MYO3A: variants seen among roughly 807,000 people sequenced by gnomAD.
The protein encoded by MYO3A is myosin-IIIa.
A neutral mutation model predicts 192.7 loss-of-function variants in MYO3A; 180 were observed. The ratio of observed to expected loss-of-function variants is 0.93; its 90% confidence interval spans 0.83 to 1.06. The LOEUF (loss-of-function observed/expected upper bound fraction) is 1.06, where lower values mean the gene tolerates loss of function less well. Ranked by LOEUF, MYO3A falls within the 50% of genes least tolerant of loss-of-function variation. The pLI is 0.00. For synonymous variants in MYO3A, 628 were observed against 645.3 expected (o/e 0.97, Z 0.41); for missense variants, 1,896 against 1,905.0 (o/e 1.00, Z 0.09).
intron 31 of MYO3A, among the ~76,000 whole-genome samples, chr10:26,183,913 G>A (rs190005445): frequency 2.6e-5 from 4 of 152,112 alleles, no homozygotes; most frequent in Admixed American, 1.3e-4. Context: ...AGACGCAAGA[G>A]GTCAAATCCA....
At chr10:25,954,746 A>G in intron 3 of MYO3A, 128 bp from the exon 4 acceptor site, 2 of 958,546 alleles carry the variant, frequency 2.1e-6, no homozygotes, top group Admixed American at 3.8e-5. Context: ...AATACATAAT[A>G]CTAAGCACAG....
At chr10:26,105,854 A>G (rs1345079322) in intron 17 of MYO3A, among the ~76,000 whole-genome samples, 2 of 152,048 alleles carry the variant, frequency 1.3e-5, no homozygotes, top group East Asian at 3.8e-4. Context: ...TTTGAAATTT[A>G]TTTTATGGTA....
At chr10:26,172,263 C>T (rs948853154) in intron 29 of MYO3A, among the ~76,000 whole-genome samples, 5 of 152,222 alleles carry the variant, frequency 3.3e-5, no homozygotes, top group Admixed American at 2.0e-4. Context: ...TTAACCATTC[C>T]CTGTCAGAGC....
chr10:26,147,796 T>C (rs892395989), intron 23 of MYO3A, among the ~76,000 whole-genome samples: 1 of 152,166 alleles, frequency 6.6e-6, no homozygotes, highest in Non-Finnish European at 1.5e-5. Flanking sequence ...GAAAATGTGG[T>C]GGTATCCTAG....
intron 8 of MYO3A, chr10:26,022,544 A>G (rs1842360060): frequency 6.6e-6 from 1 of 152,206 alleles, no homozygotes; most frequent in Non-Finnish European, 1.5e-5. Flanking sequence ...AAATTATAAT[A>G]CCTTGGCTAT....
In MYO3A at chr10:26,049,777, G is replaced by C. The variant is rs530178930; in HGVS notation, c.954-17198G>C. On this transcript the variant is annotated intron_variant, in intron 10 of 34. Transcript: ENST00000642920. ...CACTGCCTTTGCCTTCTGGGTTCAA[G>C]CAATTCTCCTGCCTCAGCCTCCCGA... is the stretch of plus-strand genomic sequence containing the variant. Among the ~76,000 whole-genome samples the C allele has an allele frequency of 2.2e-4, 32 of 144,798 alleles. No homozygotes were observed. In the South Asian group the frequency reaches 6.6e-3, roughly 30 times the overall value. The allele number at this position is 144,798 out of a possible 152,430, so 95.0% of individuals were successfully genotyped here. A position where few individuals can be genotyped will look rare whatever the true frequency, so the allele number is the denominator to read the frequency against.
chr10:25,999,407 G>A (rs1840642835), intron 6 of MYO3A, among the ~76,000 whole-genome samples: 2 of 152,174 alleles, frequency 1.3e-5, no homozygotes, highest in African/African-American at 4.8e-5. Flanking sequence ...ACAGTAAGAG[G>A]ACATGGATTC....
At chr10:26,065,321 C>A (rs758026311) in intron 10 of MYO3A, among the ~76,000 whole-genome samples, 1 of 152,052 alleles carries the variant, frequency 6.6e-6, no homozygotes, top group Non-Finnish European at 1.5e-5. Flanking sequence ...TGGTGGCTCA[C>A]GCCTATAATC....
Position 26,168,862 on chromosome 10 carries a change from ATAATACAGTC to A in MYO3A, c.3263_3272del (p.Ile1088LysfsTer18). On this transcript the variant is annotated frameshift_variant and splice_region_variant, in exon 28 of 35. Coordinates refer to ENST00000642920, the MANE Select transcript of MYO3A (RefSeq NM_017433.5). LOFTEE classifies it high-confidence loss of function. ...GGAGAAAAGGAAAGAAAGCGCTATA[ATAATACAGTC>A]AGGTAATCTCTTTGACATATTTAGA... The A allele has an allele frequency of 1.9e-6, 3 of 1,610,380 alleles. No individual in the cohort carries two copies. Among genetic ancestry groups the A allele is most frequent in the Non-Finnish European group, 2.5e-6 (3 of 1,178,554 alleles).
chr10:26,004,695 T>A (rs1459957093), intron 6 of MYO3A, among the ~76,000 whole-genome samples: 1 of 152,112 alleles, frequency 6.6e-6, no homozygotes, highest in Non-Finnish European at 1.5e-5. Context: ...GATGGAGACA[T>A]GTCAGAAGCA....
chr10:26,106,897 T>G (rs960314414), intron 17 of MYO3A, among the ~76,000 whole-genome samples: 15 of 151,076 alleles, frequency 9.9e-5, no homozygotes, highest in Admixed American at 2.6e-4. Context: ...TTCGAATTTT[T>G]GCATCTATAT....
At chr10:26,008,479 A>G (rs1841388510) in intron 6 of MYO3A, among the ~76,000 whole-genome samples, 1 of 148,006 alleles carries the variant, frequency 6.8e-6, no homozygotes, top group Non-Finnish European at 1.5e-5. Context: ...TTCGCAACCT[A>G]CTCGTCTGAC....
At chr10:25,943,797 TG>T (rs1836659058) in intron 2 of MYO3A, among the ~76,000 whole-genome samples, 2 of 151,310 alleles carry the variant, frequency 1.3e-5, no homozygotes, top group African/African-American at 4.8e-5. Flanking sequence ...TGTGTGTGTG[TG>T]TGTGTGATTC....
chr10:26,075,611 TATATATATGATATATATGTCTCTC>T (rs1835487636), intron 14 of MYO3A, among the ~76,000 whole-genome samples: 4 of 70,418 alleles, frequency 5.7e-5, no homozygotes, highest in East Asian at 7.3e-4. Context: ...GTCTCTCTCA[TATATATATGATATATATGTCTCTC>T]ATATATGATA....
At position 26,173,916 on chromosome 10, in the gene MYO3A, G is replaced by A. The variant is rs764186161; in HGVS notation, c.3652G>A (p.Val1218Ile). 6.2e-7 allele frequency: 1 copy of A among 1,613,416 alleles called. No homozygotes were observed. The highest frequency in any genetic ancestry group is 1.7e-5 in the Admixed American group (1 of 59,908). Residue 1218 changes from valine (V) to isoleucine (I), a missense_variant, in exon 30 of 35, where the codon GTC becomes ATC. Val to Ile is a conservative substitution (Grantham distance 29). Coordinates refer to ENST00000642920, the MANE Select transcript of MYO3A (RefSeq NM_017433.5). ...AGAAGTAAGCCCCAAACAGAAGTCT[G>A]TCAAAGACCTGGAAGAGAACAGCAA... ...GPEVSPKQKS[V>I]KDLEENSNLR...
intron 6 of MYO3A, among the ~76,000 whole-genome samples, chr10:26,012,468 C>T (rs756087249): frequency 6.6e-6 from 1 of 151,990 alleles, no homozygotes; most frequent in Non-Finnish European, 1.5e-5. Context: ...AGAATCAAAT[C>T]GAGGACTCAA....
intron 18 of MYO3A, among the ~76,000 whole-genome samples, chr10:26,122,914 A>T (rs535988950): frequency 1.6e-4 from 24 of 152,350 alleles, no homozygotes; most frequent in African/African-American, 5.8e-4. Context: ...AGGAACAGAA[A>T]TAGACATACA....
rs551161921 is a variant in MYO3A, at chr10:26,046,756, A to G, written c.954-20219A>G. Among the ~76,000 whole-genome samples, 215 of 152,380 alleles carry G rather than the reference A, an allele frequency of 1.4e-3. 2 individuals are homozygous for G. The highest frequency in any genetic ancestry group is 6.8e-3 in the Middle Eastern group (2 of 294). ...AGTACTTTCATATAAGATTGCATTCACATATAAATACATTCAGTAAATATA... is the reference window on the plus strand; with the variant it reads ...AGTACTTTCATATAAGATTGCATTCGCATATAAATACATTCAGTAAATATA... On this transcript the variant is annotated intron_variant, in intron 10 of 34. Transcript: ENST00000642920.
intron 17 of MYO3A, among the ~76,000 whole-genome samples, chr10:26,117,760 G>A (rs1216812032): frequency 6.6e-6 from 1 of 152,120 alleles, no homozygotes; most frequent in Non-Finnish European, 1.5e-5. Flanking sequence ...CATTTAGGTT[G>A]ATTCCATGTC....
Sources: allele counts gnomAD v4.1 joint callset (sites outside exome capture counted in the v4.1 genomes callset), GRCh38; gene constraint gnomAD v4.1.1; transcripts MANE v1.5; gene names NCBI Gene and HGNC (gene_info 2026-07-23, HGNC 2026-07-21).